Variants in NLGN4Y observed in about 807,000 individuals in gnomAD.
NLGN4Y encodes the protein neuroligin 4 Y-linked.
A neutral mutation model predicts 8.4 loss-of-function variants in NLGN4Y; 4 were observed. That is an observed-to-expected ratio of 0.48 (90% CI 0.23 to 1.09). The LOEUF (loss-of-function observed/expected upper bound fraction) is 1.09, where lower values mean the gene tolerates loss of function less well. Ranked by LOEUF, NLGN4Y falls within the 50% of genes least tolerant of loss-of-function variation. The pLI, the probability that NLGN4Y is intolerant of heterozygous loss-of-function variation, is 0.19. For synonymous variants in NLGN4Y, 35 were observed against 75.6 expected (o/e 0.46, Z 2.78); for missense variants, 90 against 192.3 (o/e 0.47, Z 3.15).
chrY:14,780,384 G>T (rs2042939847), intron 4 of NLGN4Y, among the ~76,000 whole-genome samples: 3 of 33,252 alleles, frequency 9.0e-5, no homozygotes, highest in African/African-American at 3.5e-4. Context: ...ACTTGCTCTG[G>T]CAATATTCCC....
intron 4 of NLGN4Y, among the ~76,000 whole-genome samples, chrY:14,756,866 C>CATATAT (rs145217639): frequency 1.4e-3 from 3 of 2,175 alleles, no homozygotes; most frequent in African/African-American, 2.4e-3. Context: ...ATATTTTATA[C>CATATAT]ATATATATAT....
At chrY:14,767,674 T>C (rs2081096293) in intron 4 of NLGN4Y, among the ~76,000 whole-genome samples, 1 of 33,976 alleles carries the variant, frequency 2.9e-5, no homozygotes, top group African/African-American at 1.1e-4. Flanking sequence ...GTCATTAGCA[T>C]GCTGGAAATG....
intron 4 of NLGN4Y, among the ~76,000 whole-genome samples, chrY:14,765,578 C>G: frequency 3.0e-5 from 1 of 33,438 alleles, no homozygotes; most frequent in Non-Finnish European, 7.4e-5. Context: ...TTTGGCTTAT[C>G]ATGTATCATA....
intron 4 of NLGN4Y, among the ~76,000 whole-genome samples, chrY:14,800,269 G>A (rs2043026089): frequency 3.0e-5 from 1 of 33,047 alleles, no homozygotes; most frequent in Non-Finnish European, 7.4e-5. Context: ...AACAGTGAAG[G>A]AAGAGCTAGA....
At chrY:14,677,674 G>T (rs753269800) in intron 2 of NLGN4Y, among the ~76,000 whole-genome samples, 1 of 32,993 alleles carries the variant, frequency 3.0e-5, no homozygotes, top group East Asian at 8.1e-4. Flanking sequence ...ATATGCATAT[G>T]TATGCTATCT....
chrY:14,719,610 C>T, intron 3 of NLGN4Y, 92 bp downstream of exon 3: 1 of 111,584 alleles, frequency 9.0e-6, no homozygotes, highest in Non-Finnish European at 1.6e-5. Context: ...TTTTTCCTCC[C>T]CTTATTTAAC....
intron 1 of NLGN4Y, among the ~76,000 whole-genome samples, chrY:14,577,686 C>T: frequency 3.0e-5 from 1 of 33,840 alleles, no homozygotes; most frequent in Non-Finnish European, 7.3e-5. Context: ...CATTCTAGGT[C>T]CTTGAGGAAT....
chrY:14,727,800 G>A (rs2080959822), intron 4 of NLGN4Y, among the ~76,000 whole-genome samples: 1 of 33,323 alleles, frequency 3.0e-5, no homozygotes, highest in Non-Finnish European at 7.4e-5. Flanking sequence ...CCCTGGTGTC[G>A]TGAAAGTGGT....
At chrY:14,572,668 CTT>C (rs2080276754) in intron 1 of NLGN4Y, among the ~76,000 whole-genome samples, 6 of 33,131 alleles carry the variant, frequency 1.8e-4, no homozygotes, top group Admixed American at 1.7e-3. Flanking sequence ...GCATCTTTGT[CTT>C]GTGCCAGTTT....
At chrY:14,591,919 G>T (rs1603500710) in intron 1 of NLGN4Y, among the ~76,000 whole-genome samples, 3 of 33,390 alleles carry the variant, frequency 9.0e-5, no homozygotes, top group East Asian at 1.6e-3. Context: ...GTTGGAAAGG[G>T]TCTTTTCCTT....
At chrY:14,773,527 G>A (rs1603503830) in intron 4 of NLGN4Y, among the ~76,000 whole-genome samples, 3 of 31,550 alleles carry the variant, frequency 9.5e-5, no homozygotes, top group South Asian at 1.4e-3. Flanking sequence ...TCCTCTCCCC[G>A]TCAAGCTACC....
intron 2 of NLGN4Y, among the ~76,000 whole-genome samples, chrY:14,691,600 A>G: frequency 3.0e-5 from 1 of 33,330 alleles, no homozygotes; most frequent in Non-Finnish European, 7.4e-5. Flanking sequence ...TCAGTTTAAA[A>G]TGATGTTTAA....
At chrY:14,596,634 AC>A (rs2080399296) in intron 1 of NLGN4Y, among the ~76,000 whole-genome samples, 1 of 32,989 alleles carries the variant, frequency 3.0e-5, no homozygotes, top group Non-Finnish European at 7.5e-5. Context: ...TCTAGGTAAA[AC>A]AACGGTCCCA....
intron 1 of NLGN4Y, among the ~76,000 whole-genome samples, chrY:14,568,379 A>T (rs2080259356): frequency 3.0e-5 from 1 of 33,543 alleles, no homozygotes; most frequent in Admixed American, 2.8e-4. Flanking sequence ...CAAAGAGGGA[A>T]ATGATAATGT....
chrY:14,819,130 A>T (rs886874819), intron 4 of NLGN4Y, among the ~76,000 whole-genome samples: 1 of 33,027 alleles, frequency 3.0e-5, no homozygotes, highest in Non-Finnish European at 7.4e-5. Flanking sequence ...TATTCTCCTT[A>T]GTCCTTCTAG....
chrY:14,538,888 C>A (rs757338648), intron 1 of NLGN4Y, among the ~76,000 whole-genome samples: 30 of 33,806 alleles, frequency 8.9e-4, no homozygotes, highest in South Asian at 2.0e-3. Flanking sequence ...CAGGCGTGAG[C>A]CACCGCACTT....
At chrY:14,641,970 G>A (rs773853642) in intron 2 of NLGN4Y, among the ~76,000 whole-genome samples, 203 of 33,677 alleles carry the variant, frequency 6.0e-3, no homozygotes, top group African/African-American at 0.023. Context: ...CCATGATTAC[G>A]TTATATAAGC....
At chrY:14,527,806 T>G in intron 1 of NLGN4Y, among the ~76,000 whole-genome samples, 1 of 33,776 alleles carries the variant, frequency 3.0e-5, no homozygotes, top group Non-Finnish European at 7.3e-5. Context: ...TTTTACAGTT[T>G]CATCATTTTA....
chrY:14,795,205 T>C, intron 4 of NLGN4Y, among the ~76,000 whole-genome samples: 1 of 33,962 alleles, frequency 2.9e-5, no homozygotes, highest in Non-Finnish European at 7.3e-5. Context: ...TTTATCATTA[T>C]GTATAATATT....
Sources: gnomAD v4.1 joint callset for allele counts (sites outside exome capture counted in the v4.1 genomes callset) on GRCh38, gnomAD v4.1.1 for gene constraint, MANE v1.5 for transcripts, NCBI Gene and HGNC (gene_info 2026-07-23, HGNC 2026-07-21) for gene names.